The following AGBL1 variants were observed in gnomAD, a reference collection of about 807,000 sequenced individuals.
The protein encoded by AGBL1 is cytosolic carboxypeptidase 4.
A neutral mutation model predicts 118.9 loss-of-function variants in AGBL1; 130 were observed. That is an observed-to-expected ratio of 1.09 (90% confidence interval 0.95 to 1.26). The LOEUF is 1.26. Ranked by LOEUF, AGBL1 falls within the 50% of genes most tolerant of loss-of-function variation. AGBL1 has a pLI of 0.00. For missense variants in AGBL1, 1,584 were observed against 1,298.1 expected, an observed-to-expected ratio of 1.22 and a Z score of -3.38; for synonymous variants, 555 against 478.9, an observed-to-expected ratio of 1.16 and a Z score of -2.08.
chr15:86,183,165 A>G (rs998724833), intron 5 of AGBL1, among the ~76,000 whole-genome samples: 2 of 152,190 alleles, frequency 1.3e-5, no homozygotes, highest in African/African-American at 4.8e-5. Flanking sequence ...ATCTCTGGCT[A>G]TCAGAGAGTT....
intron 5 of AGBL1, among the ~76,000 whole-genome samples, chr15:86,223,431 C>T (rs1242205105): frequency 6.6e-6 from 1 of 152,100 alleles, no homozygotes; most frequent in East Asian, 1.9e-4. Context: ...TTTGCCCCAG[C>T]CCAAGCCAGG....
At position 86,101,631 on chromosome 15, in the gene AGBL1, C is replaced by CT. The variant is rs563450139; in HGVS notation, c.51+21623dup. Among the ~76,000 whole-genome samples the CT allele has an allele frequency of 3.6e-3, 474 of 131,676 alleles. 2 individuals carry two copies. Among genetic ancestry groups the CT allele is most frequent in the African/African-American group, 6.4e-3 (231 of 36,294 alleles). The allele number at this position is 131,676 out of a possible 152,430, so 86.4% of individuals were successfully genotyped here. A position where few individuals can be genotyped will look rare whatever the true frequency, so the allele number is the denominator to read the frequency against. Reference sequence around the variant, plus strand: ...TTTATCATTGTGTAATGACATTTGTCTTTTTTTTTTTTTTTAGTTTTTGAC... The same window carrying CT: ...TTTATCATTGTGTAATGACATTTGTCTTTTTTTTTTTTTTTTAGTTTTTGAC... On this transcript the variant is annotated intron_variant, in intron 1 of 22. Coordinates refer to ENST00000614907, the MANE Select transcript of AGBL1 (RefSeq NM_001386094.1).
chr15:86,473,719 G>A (rs183832835), intron 18 of AGBL1, among the ~76,000 whole-genome samples: 1 of 152,252 alleles, frequency 6.6e-6, no homozygotes, highest in East Asian at 1.9e-4. Context: ...AAATTGTGAT[G>A]CTTATGTTTA....
intron 18 of AGBL1, among the ~76,000 whole-genome samples, chr15:86,425,150 T>C (rs2081851005): frequency 6.6e-6 from 1 of 152,088 alleles, no homozygotes; most frequent in African/African-American, 2.4e-5. Flanking sequence ...CAAATGCCCA[T>C]CAGTGATAGG....
intron 24 of AGBL1, among the ~76,000 whole-genome samples, chr15:87,003,827 G>T (rs2196061): frequency 6.6e-6 from 1 of 152,090 alleles, no homozygotes; most frequent in Non-Finnish European, 1.5e-5. Context: ...GGTGATATCC[G>T]CTTTATCATT....
At position 86,546,102 on chromosome 15, in the gene AGBL1, C is replaced by T. The variant is rs758719756; in HGVS notation, c.2786C>T (p.Thr929Ile). 9 of 1,613,122 alleles carry T rather than the reference C, an allele frequency of 5.6e-6. No individual in the cohort carries two copies. Among genetic ancestry groups the T allele is most frequent in the Non-Finnish European group, 6.8e-6 (8 of 1,179,500 alleles). Reference protein sequence around the residue: ...TLWQAACTVGTSTILEEVNYR... With the variant: ...TLWQAACTVGISTILEEVNYR... The stretch of plus-strand genomic sequence containing the variant: ...TGGCAAGCAGCATGCACTGTGGGCA[C>T]ATCTACTATCCTAGAGGAGGTCAAC... Residue 929 changes from threonine to isoleucine, a missense_variant, in exon 20 of 23, where the codon ACA (threonine) becomes ATA (isoleucine). Physicochemically the swap from Thr to Ile is moderately conservative, Grantham distance 89. Transcript: ENST00000614907.
At chr15:86,674,195 C>T (rs550174144) in intron 21 of AGBL1, 78 bp from the exon 22 acceptor site, 91 of 1,373,856 alleles carry the variant, frequency 6.6e-5, no homozygotes, top group Admixed American at 2.1e-4. Context: ...GTGTAGAAGT[C>T]CTTCTTCCTA....
intron 17 of AGBL1, among the ~76,000 whole-genome samples, chr15:86,340,304 CA>C (rs983742588): frequency 6.7e-5 from 10 of 149,674 alleles, no homozygotes; most frequent in Admixed American, 6.7e-5. Flanking sequence ...GCCCCCCCCC[CA>C]TTCATGTCTA....
At chr15:86,319,080 T>A (rs1432192276) in intron 17 of AGBL1, among the ~76,000 whole-genome samples, 1 of 152,234 alleles carries the variant, frequency 6.6e-6, no homozygotes, top group East Asian at 1.9e-4. Context: ...CAGACTGACA[T>A]TTACTTATCC....
chr15:86,256,753 G>T, intron 7 of AGBL1, 100 bp from the exon 8 acceptor site: 1 of 1,185,756 alleles, frequency 8.4e-7, no homozygotes, highest in South Asian at 1.5e-5. Flanking sequence ...ACAGCTAGGA[G>T]ACTGTGCTGT....
At chr15:86,185,171 G>T (rs1420071194) in intron 5 of AGBL1, among the ~76,000 whole-genome samples, 1 of 152,134 alleles carries the variant, frequency 6.6e-6, no homozygotes, top group Non-Finnish European at 1.5e-5. Context: ...ATCATCACTG[G>T]CCATCAGAGA....
chr15:86,757,813 T>A (rs1596454820), intron 22 of AGBL1, among the ~76,000 whole-genome samples: 1 of 152,088 alleles, frequency 6.6e-6, no homozygotes, highest in Non-Finnish European at 1.5e-5. Context: ...CTATGAGTGC[T>A]CCTGCCGTGG....
At chr15:86,891,825 A>G (rs2080056583) in intron 22 of AGBL1, among the ~76,000 whole-genome samples, 1 of 152,168 alleles carries the variant, frequency 6.6e-6, no homozygotes, top group Admixed American at 6.5e-5. Flanking sequence ...CTGTATTTTA[A>G]CACTGAATAA....
At chr15:86,338,117 A>G (rs1012306583) in intron 17 of AGBL1, among the ~76,000 whole-genome samples, 1 of 152,148 alleles carries the variant, frequency 6.6e-6, no homozygotes. Flanking sequence ...ATGGAGGATA[A>G]GGGGACATGG....
intron 1 of AGBL1, among the ~76,000 whole-genome samples, chr15:86,125,292 A>G (rs1898349824): frequency 1.3e-5 from 2 of 152,186 alleles, no homozygotes; most frequent in South Asian, 2.1e-4. Context: ...CTCACTGTCC[A>G]TCACTATTAA....
chr15:86,400,266 T>C (rs1181452088), intron 18 of AGBL1, among the ~76,000 whole-genome samples: 2 of 152,146 alleles, frequency 1.3e-5, no homozygotes, highest in African/African-American at 2.4e-5. Flanking sequence ...CCTTAGGATA[T>C]CCCATGGATA....
chr15:87,028,772 G>A, intron 24 of AGBL1: 1 of 1,559,136 alleles, frequency 6.4e-7, no homozygotes, highest in Non-Finnish European at 8.8e-7. Flanking sequence ...GCACAAACCA[G>A]AAGTTACACG....
At chr15:86,440,293 C>T (rs2142052827) in intron 18 of AGBL1, among the ~76,000 whole-genome samples, 1 of 152,004 alleles carries the variant, frequency 6.6e-6, no homozygotes, top group Non-Finnish European at 1.5e-5. Flanking sequence ...TCTGCCCAAC[C>T]AGAGAAATGC....
intron 3 of AGBL1, among the ~76,000 whole-genome samples, chr15:86,149,938 C>T (rs1427749466): frequency 6.6e-6 from 1 of 152,182 alleles, no homozygotes; most frequent in Non-Finnish European, 1.5e-5. Context: ...TCTCAGACCA[C>T]AGTGTAATCA....
Sources: allele counts gnomAD v4.1 joint callset (sites outside exome capture counted in the v4.1 genomes callset), GRCh38; gene constraint gnomAD v4.1.1; transcripts MANE v1.5; gene names NCBI Gene and HGNC (gene_info 2026-07-23, HGNC 2026-07-21).